Variants in PPP3CB observed in about 807,000 individuals in gnomAD.
The protein encoded by PPP3CB is protein phosphatase 3 catalytic subunit beta.
Under a neutral mutation model 66.4 loss-of-function variants are expected in PPP3CB, and 8 were observed. The observed-to-expected ratio is 0.12, with a 90% CI of 0.07 to 0.22. The LOEUF (loss-of-function observed/expected upper bound fraction) is 0.22, where lower values mean the gene tolerates loss of function less well. Among genes scored for constraint, PPP3CB ranks in the 10% least tolerant of loss-of-function variants. The probability of loss-of-function intolerance (pLI) is 1.00; values close to 1 mark genes in which losing one functional copy is unlikely to be tolerated. For synonymous variants in PPP3CB, 208 were observed against 221.2 expected (o/e 0.94, Z 0.53); for missense variants, 319 against 642.5 (o/e 0.50, Z 5.44).
At chr10:73,476,168 T>A (rs2056784997) in intron 3 of PPP3CB, among the ~76,000 whole-genome samples, 3 of 152,314 alleles carry the variant, frequency 2.0e-5, no homozygotes, top group Non-Finnish European at 4.4e-5. Flanking sequence ...AAAACTTTAT[T>A]GTTAATAAAT....
intron 1 of PPP3CB, 94 bp from the exon 2 acceptor site, chr10:73,479,611 A>G: frequency 3.3e-6 from 4 of 1,211,828 alleles, no homozygotes; most frequent in Non-Finnish European, 4.5e-6. Context: ...AAAACTGTAA[A>G]GCAGGGATTT....
intron 9 of PPP3CB, among the ~76,000 whole-genome samples, chr10:73,460,473 T>A (rs527325214): frequency 1.3e-5 from 2 of 152,234 alleles, no homozygotes; most frequent in South Asian, 4.1e-4. Flanking sequence ...CAAGTTAGAC[T>A]GGCTTGAATG....
chr10:73,453,186 A>G (rs1379301396), intron 10 of PPP3CB, among the ~76,000 whole-genome samples: 1 of 152,246 alleles, frequency 6.6e-6, no homozygotes, highest in Non-Finnish European at 1.5e-5. Flanking sequence ...GGCACTTCAT[A>G]GTGGTCCAAT....
intron 4 of PPP3CB, among the ~76,000 whole-genome samples, chr10:73,472,448 C>T (rs375678670): frequency 3.3e-5 from 5 of 150,390 alleles, no homozygotes; most frequent in African/African-American, 9.8e-5. Flanking sequence ...GGGCCGAGAT[C>T]GTGCCACTTG....
At chr10:73,470,804 TGCA>T in intron 7 of PPP3CB, 23 bp from the exon 8 acceptor site, 2 of 1,587,554 alleles carry the variant, frequency 1.3e-6, no homozygotes, top group Non-Finnish European at 1.7e-6. Context: ...TAGCTTAATA[TGCA>T]TCGTAAAGCA....
intron 3 of PPP3CB, 81 bp from the exon 4 acceptor site, chr10:73,475,111 A>G: frequency 2.0e-6 from 3 of 1,489,886 alleles, no homozygotes; most frequent in Non-Finnish European, 2.7e-6. Flanking sequence ...CTTTTCCTCT[A>G]CTACCCTTAC....
chr10:73,455,635 C>A (rs1380953319), intron 9 of PPP3CB, among the ~76,000 whole-genome samples: 1 of 152,150 alleles, frequency 6.6e-6, no homozygotes, highest in African/African-American at 2.4e-5. Context: ...GTGGCGCGAT[C>A]TCGGCTCACT....
intron 3 of PPP3CB, among the ~76,000 whole-genome samples, chr10:73,477,392 C>T (rs1469566521): frequency 6.6e-6 from 1 of 152,004 alleles, no homozygotes; most frequent in Admixed American, 6.6e-5. Flanking sequence ...CAGTGTCTAA[C>T]ACAAGGAATT....
chr10:73,448,821 C>G, intron 10 of PPP3CB: 1 of 477,486 alleles, frequency 2.1e-6, no homozygotes, highest in Admixed American at 2.5e-5. Context: ...AAATGAAGGC[C>G]CTCATATTTG....
intron 8 of PPP3CB, among the ~76,000 whole-genome samples, chr10:73,470,133 A>G (rs949696214): frequency 6.6e-6 from 1 of 152,316 alleles, no homozygotes. Context: ...AAAGGAAAAA[A>G]GCAGTAAAAA....
At chr10:73,482,901 A>T (rs2056905613) in intron 1 of PPP3CB, among the ~76,000 whole-genome samples, 1 of 152,184 alleles carries the variant, frequency 6.6e-6, no homozygotes, top group East Asian at 1.9e-4. Flanking sequence ...TACAAGCGTC[A>T]GCCACTGTGC....
intron 1 of PPP3CB, among the ~76,000 whole-genome samples, chr10:73,481,196 G>A (rs1057296272): frequency 1.2e-4 from 17 of 147,824 alleles, no homozygotes; most frequent in Middle Eastern, 3.5e-3. Context: ...AAAATAGGCC[G>A]GGTGCAGTGA....
chr10:73,484,908 C>T (rs1589717215), intron 1 of PPP3CB, among the ~76,000 whole-genome samples: 2 of 138,654 alleles, frequency 1.4e-5, no homozygotes, highest in South Asian at 4.2e-4. Context: ...CAAAATTAGC[C>T]CGGGCATGGT....
At chr10:73,452,565 G>T (rs928352194) in intron 10 of PPP3CB, among the ~76,000 whole-genome samples, 5 of 151,836 alleles carry the variant, frequency 3.3e-5, no homozygotes, top group South Asian at 2.1e-4. Flanking sequence ...GCGTGATGGT[G>T]GGCACCTGTA....
intron 12 of PPP3CB, among the ~76,000 whole-genome samples, chr10:73,442,684 C>G (rs1589681188): frequency 6.7e-6 from 1 of 148,698 alleles, no homozygotes; most frequent in Non-Finnish European, 1.5e-5. Context: ...AAATGGAGGG[C>G]AAGGAATGTA....
At chr10:73,471,709 CCCT>C in intron 4 of PPP3CB, 96 bp from the exon 5 acceptor site, 1 of 960,362 alleles carries the variant, frequency 1.0e-6, no homozygotes, top group Non-Finnish European at 1.5e-6. Flanking sequence ...TTGTTCTCTC[CCCT>C]CCTTTATATC....
At chr10:73,438,550 C>A in intron 13 of PPP3CB, 130 bp from the exon 14 acceptor site, 1 of 752,174 alleles carries the variant, frequency 1.3e-6, no homozygotes, top group Non-Finnish European at 2.2e-6. Flanking sequence ...CTTACTTTAA[C>A]TGAATCCTAT....
intron 4 of PPP3CB, among the ~76,000 whole-genome samples, chr10:73,473,618 T>C (rs938704358): frequency 6.6e-6 from 1 of 150,998 alleles, no homozygotes; most frequent in African/African-American, 2.4e-5. Context: ...ACCACTGCAC[T>C]CCAGCCAGGG....
At chr10:73,472,158 G>A (rs541004066) in intron 4 of PPP3CB, among the ~76,000 whole-genome samples, 1 of 152,278 alleles carries the variant, frequency 6.6e-6, no homozygotes, top group South Asian at 2.1e-4. Context: ...TATTTTGGAT[G>A]ACAGAAAAGT....
Sources: gnomAD v4.1 joint callset for allele counts (sites outside exome capture counted in the v4.1 genomes callset) on GRCh38, gnomAD v4.1.1 for gene constraint, MANE v1.5 for transcripts, NCBI Gene and HGNC (gene_info 2026-07-23, HGNC 2026-07-21) for gene names.